PPARGC1A: variants seen among roughly 807,000 people sequenced by gnomAD.
PPARGC1A encodes the protein peroxisome proliferator-activated receptor gamma coactivator 1-alpha.
PPARGC1A carries 25 observed loss-of-function variants against 88.7 expected under a neutral mutation model. That is an observed-to-expected ratio of 0.28 (90% CI 0.21 to 0.39). PPARGC1A has a LOEUF of 0.39. PPARGC1A is among the 10% of genes least tolerant of loss of function. PPARGC1A has a pLI of 1.00. For synonymous variants in PPARGC1A, 363 were observed against 355.6 expected (o/e 1.02, Z -0.24); for missense variants, 880 against 968.7 (o/e 0.91, Z 1.22).
chr4:24,387,838 A>AAGAGAGAAAGAGAG, the PPARGC1A span, among the ~76,000 whole-genome samples: 57 of 72,502 alleles, frequency 7.9e-4, 2 homozygotes, highest in South Asian at 3.0e-3. Context: ...GAAAGAGAGA[A>AAGAGAGAAAGAGAG]AGAGAGAGAG....
At chr4:24,223,439 G>C in the PPARGC1A span, among the ~76,000 whole-genome samples, 1 of 151,958 alleles carries the variant, frequency 6.6e-6, no homozygotes, top group South Asian at 2.1e-4. Context: ...TAGTAGAAAT[G>C]GGATTTCACC....
chr4:24,291,707 T>C, the PPARGC1A span, among the ~76,000 whole-genome samples: 1 of 152,148 alleles, frequency 6.6e-6, no homozygotes, highest in Middle Eastern at 3.2e-3. Context: ...ACACTGAAGC[T>C]GAACTCAGCG....
At chr4:23,995,356 T>C in the PPARGC1A span, among the ~76,000 whole-genome samples, 17 of 152,196 alleles carry the variant, frequency 1.1e-4, no homozygotes, top group Non-Finnish European at 1.8e-4. Context: ...TCCTTGCAAG[T>C]ATAATATTTC....
the PPARGC1A span, among the ~76,000 whole-genome samples, chr4:23,956,342 G>A: frequency 6.6e-6 from 1 of 152,090 alleles, no homozygotes; most frequent in South Asian, 2.1e-4. Flanking sequence ...GCTCCCAGGT[G>A]ACATTGATGC....
the PPARGC1A span, among the ~76,000 whole-genome samples, chr4:24,136,055 G>C: frequency 6.6e-6 from 1 of 152,190 alleles, no homozygotes; most frequent in African/African-American, 2.4e-5. Context: ...TTCCCTTGGG[G>C]AGGTCCCAGG....
chr4:23,913,005 C>G, the PPARGC1A span, among the ~76,000 whole-genome samples: 1 of 148,330 alleles, frequency 6.7e-6, no homozygotes, highest in South Asian at 2.1e-4. Flanking sequence ...TGGGGTTTCA[C>G]CATGTTAGCC....
At chr4:24,228,150 G>A in the PPARGC1A span, among the ~76,000 whole-genome samples, 1 of 152,154 alleles carries the variant, frequency 6.6e-6, no homozygotes. Context: ...GATGGATAAA[G>A]TGATCTAATC....
At position 23,824,321 on chromosome 4, in the gene PPARGC1A, G is replaced by A. The variant is rs778595635; in HGVS notation, c.836C>T (p.Thr279Ile). 5.6e-6 allele frequency: 9 copies of A among 1,613,482 alleles called. No homozygotes were observed. The highest frequency in any genetic ancestry group is 4.5e-5 in the East Asian group (2 of 44,830). Residue 279 changes from threonine to isoleucine, a missense_variant, in exon 7 of 13, where the codon ACT becomes ATT. Physicochemically the swap from Thr to Ile is moderately conservative, Grantham distance 89. Coordinates refer to ENST00000264867, the MANE Select transcript of PPARGC1A (RefSeq NM_013261.5). ...TTCCACACTTAAGGTGCGTTCAATA[G>A]TCTTGTTCTCAAATGGGGAACCCTT... ...DPKGSPFENK[T>I]IERTLSVELS...
the PPARGC1A span, among the ~76,000 whole-genome samples, chr4:23,948,668 C>T: frequency 4.3e-3 from 649 of 152,254 alleles, 8 homozygotes; most frequent in Non-Finnish European, 6.9e-3. Flanking sequence ...CAGTGTGCTC[C>T]GAATAATTCC....
the PPARGC1A span, among the ~76,000 whole-genome samples, chr4:24,085,533 G>A: frequency 3.3e-5 from 5 of 152,166 alleles, no homozygotes; most frequent in South Asian, 2.1e-4. Context: ...GGTGCCTGGT[G>A]AGCACCCAGT....
chr4:23,868,248 C>A (rs1272570595), intron 2 of PPARGC1A, among the ~76,000 whole-genome samples: 9 of 152,312 alleles, frequency 5.9e-5, no homozygotes, highest in Non-Finnish European at 2.9e-5. Context: ...CATATATCTT[C>A]ATCTGAACAG....
the PPARGC1A span, among the ~76,000 whole-genome samples, chr4:24,225,985 G>A: frequency 9.1e-6 from 1 of 109,976 alleles, no homozygotes; most frequent in East Asian, 2.8e-4. Context: ...AAAGACAGAG[G>A]GACAAAGAAA....
chr4:23,949,266 C>G, the PPARGC1A span, among the ~76,000 whole-genome samples: 7 of 152,194 alleles, frequency 4.6e-5, no homozygotes, highest in Non-Finnish European at 8.8e-5. Context: ...ATTTTTAAGG[C>G]ACATTTGGAG....
chr4:24,147,821 G>A, the PPARGC1A span, among the ~76,000 whole-genome samples: 4 of 152,178 alleles, frequency 2.6e-5, no homozygotes, highest in Admixed American at 1.3e-4. Flanking sequence ...GTGTGCACCT[G>A]TAGTCCCAGC....
At chr4:24,222,880 T>C in the PPARGC1A span, among the ~76,000 whole-genome samples, 1 of 152,202 alleles carries the variant, frequency 6.6e-6, no homozygotes, top group Non-Finnish European at 1.5e-5. Context: ...GCTACTAATC[T>C]ATCTTATGCC....
the PPARGC1A span, among the ~76,000 whole-genome samples, chr4:24,321,487 A>C: frequency 1.3e-5 from 2 of 152,212 alleles, no homozygotes; most frequent in Non-Finnish European, 2.9e-5. Context: ...GGAATCAGAA[A>C]CTAATTTTGA....
At chr4:23,898,548 A>G (rs866901791) in intron 1 of PPARGC1A, among the ~76,000 whole-genome samples, 1 of 152,198 alleles carries the variant, frequency 6.6e-6, no homozygotes, top group Non-Finnish European at 1.5e-5. Flanking sequence ...CTATTCTCAC[A>G]CAATGCTGGG....
At chr4:24,194,630 GCACA>G in the PPARGC1A span, among the ~76,000 whole-genome samples, 633 of 48,678 alleles carry the variant, frequency 0.013, 8 homozygotes, top group African/African-American at 0.036. Context: ...GCACGCGCGC[GCACA>G]CACACACACA....
chr4:23,964,633 G>C, the PPARGC1A span, among the ~76,000 whole-genome samples: 1 of 152,152 alleles, frequency 6.6e-6, no homozygotes, highest in South Asian at 2.1e-4. Context: ...AGATTTGGGG[G>C]TGATCAGAAA....
Sources: gnomAD v4.1 joint callset for allele counts (sites outside exome capture counted in the v4.1 genomes callset) on GRCh38, gnomAD v4.1.1 for gene constraint, MANE v1.5 for transcripts, NCBI Gene and HGNC (gene_info 2026-07-23, HGNC 2026-07-21) for gene names.